The following KANK1 variants were observed in gnomAD, a reference collection of about 807,000 sequenced individuals.
The protein encoded by KANK1 is KN motif and ankyrin repeat domain-containing protein 1.
A neutral mutation model predicts 106.2 loss-of-function variants in KANK1; 109 were observed. The observed-to-expected ratio is 1.03, with a 90% CI of 0.88 to 1.20. The LOEUF is 1.20. Ranked by LOEUF, KANK1 falls within the 50% of genes most tolerant of loss-of-function variation. The pLI is 0.00. For synonymous variants in KANK1, 873 were observed against 652.2 expected, an observed-to-expected ratio of 1.34 and a Z score of -5.16; for missense variants, 2,399 against 1,710.7, an observed-to-expected ratio of 1.40 and a Z score of -7.10.
chr9:692,872 C>G (rs1563997626), intron 2 of KANK1, among the ~76,000 whole-genome samples: 1 of 152,076 alleles, frequency 6.6e-6, no homozygotes, highest in Admixed American at 6.6e-5. Flanking sequence ...CAGAAATTAG[C>G]TGAGCATGGT....
chr9:607,313 C>G (rs566130968), intron 1 of KANK1, among the ~76,000 whole-genome samples: 2 of 151,508 alleles, frequency 1.3e-5, no homozygotes, highest in East Asian at 1.9e-4. Context: ...TGGTGAGAAC[C>G]CGTCTCTACT....
At chr9:699,544 A>T (rs1223389819) in intron 2 of KANK1, among the ~76,000 whole-genome samples, 1 of 152,114 alleles carries the variant, frequency 6.6e-6, no homozygotes, top group Non-Finnish European at 1.5e-5. Flanking sequence ...CTGTGAGAGG[A>T]AATCCAAAGA....
chr9:625,568 T>C (rs1834148231), intron 1 of KANK1, among the ~76,000 whole-genome samples: 2 of 151,924 alleles, frequency 1.3e-5, no homozygotes, highest in African/African-American at 2.4e-5. Flanking sequence ...CAAACCTTCT[T>C]GTGCGAGGAG....
intron 1 of KANK1, among the ~76,000 whole-genome samples, chr9:512,896 T>A (rs557711549): frequency 1.3e-5 from 2 of 152,350 alleles, no homozygotes; most frequent in African/African-American, 4.8e-5. Flanking sequence ...TTATTATTTT[T>A]GCCTTATTAT....
intron 1 of KANK1, among the ~76,000 whole-genome samples, chr9:507,068 G>T (rs908232921): frequency 6.6e-6 from 1 of 151,124 alleles, no homozygotes; most frequent in Non-Finnish European, 1.5e-5. Context: ...AATAAGAAAA[G>T]TCAACTTGTT....
At chr9:479,048 C>T (rs1455672072) in intron 3 of KANK1, among the ~76,000 whole-genome samples, 1 of 151,986 alleles carries the variant, frequency 6.6e-6, no homozygotes, top group Non-Finnish European at 1.5e-5. Flanking sequence ...TCCTGAGTAG[C>T]TGGGATTACA....
intron 1 of KANK1, among the ~76,000 whole-genome samples, chr9:578,508 AC>A (rs775294809): frequency 6.6e-6 from 1 of 152,040 alleles, no homozygotes; most frequent in Non-Finnish European, 1.5e-5. Flanking sequence ...AGTCCTCTAT[AC>A]AAAAATCTTA....
At chr9:645,700 G>A (rs1839519841) in intron 1 of KANK1, among the ~76,000 whole-genome samples, 1 of 150,616 alleles carries the variant, frequency 6.6e-6, no homozygotes, top group African/African-American at 2.5e-5. Flanking sequence ...TGGCCAACGT[G>A]GTGAAACCCC....
chr9:602,970 G>A (rs1208620646), intron 1 of KANK1, among the ~76,000 whole-genome samples: 1 of 151,858 alleles, frequency 6.6e-6, no homozygotes, highest in African/African-American at 2.4e-5. Flanking sequence ...GGTTATCATA[G>A]TTACAAATCA....
intron 1 of KANK1, among the ~76,000 whole-genome samples, chr9:572,796 C>T (rs184448933): frequency 1.1e-3 from 170 of 152,202 alleles, no homozygotes; most frequent in African/African-American, 3.7e-3. Context: ...GTTAAAACAT[C>T]GCTGTTTCTG....
chr9:573,127 T>A (rs1206399704), intron 1 of KANK1, among the ~76,000 whole-genome samples: 2 of 152,204 alleles, frequency 1.3e-5, no homozygotes, highest in Admixed American at 6.5e-5. Context: ...AGTCAAGTGC[T>A]GCGTGAGTTG....
At chr9:660,566 T>G (rs10758793) in intron 1 of KANK1, among the ~76,000 whole-genome samples, 4 of 152,194 alleles carry the variant, frequency 2.6e-5, no homozygotes, top group African/African-American at 9.6e-5. Flanking sequence ...CAGTGTCAAG[T>G]CTGAAACAAA....
intron 1 of KANK1, among the ~76,000 whole-genome samples, chr9:605,702 G>T (rs1005484726): frequency 6.6e-6 from 1 of 151,860 alleles, no homozygotes; most frequent in Non-Finnish European, 1.5e-5. Context: ...AAGAGAATAA[G>T]CATGATCAGG....
At chr9:566,634 A>T (rs927985904) in intron 1 of KANK1, among the ~76,000 whole-genome samples, 3 of 152,024 alleles carry the variant, frequency 2.0e-5, no homozygotes, top group Non-Finnish European at 2.9e-5. Context: ...TTTTCCACAT[A>T]CTTGTTGGCC....
chr9:596,771 G>C lies in KANK1; in HGVS notation c.-83-80119G>C, dbSNP rs190807672. ...AATTCACATAATATAACAATAGGCA[G>C]TTTAATAATTGACAATTCAGATGTA... On this transcript the variant is annotated intron_variant, in intron 1 of 11. Transcript: ENST00000382297. Among the ~76,000 whole-genome samples, 55 of 151,738 alleles carry C rather than the reference G, an allele frequency of 3.6e-4. 1 individual carries two copies. Among genetic ancestry groups the C allele is most frequent in the South Asian group, 2.5e-3 (12 of 4,804 alleles).
chr9:572,745 G>A (rs201108425), intron 1 of KANK1, among the ~76,000 whole-genome samples: 2 of 152,152 alleles, frequency 1.3e-5, no homozygotes, highest in East Asian at 1.9e-4. Flanking sequence ...AATTTCTAAA[G>A]TCAGTGCATT....
intron 1 of KANK1, among the ~76,000 whole-genome samples, chr9:573,283 T>A (rs10758696): frequency 0.39 from 59,369 of 151,882 alleles, 13,626 homozygotes; most frequent in South Asian, 0.56. Flanking sequence ...TATTATTATT[T>A]TTTTGAGACA....
intron 3 of KANK1, among the ~76,000 whole-genome samples, chr9:722,778 T>G (rs952958010): frequency 6.6e-6 from 1 of 152,182 alleles, no homozygotes; most frequent in African/African-American, 2.4e-5. Context: ...CTCATGACCT[T>G]TGGTTGAATT....
At chr9:514,076 T>C (rs1338976943) in intron 1 of KANK1, among the ~76,000 whole-genome samples, 1 of 149,826 alleles carries the variant, frequency 6.7e-6, no homozygotes, top group African/African-American at 2.5e-5. Flanking sequence ...TCTGTCCTCC[T>C]CCTCTCCTTC....
Sources: gnomAD v4.1 joint callset for allele counts (sites outside exome capture counted in the v4.1 genomes callset) on GRCh38, gnomAD v4.1.1 for gene constraint, MANE v1.5 for transcripts, NCBI Gene and HGNC (gene_info 2026-07-23, HGNC 2026-07-21) for gene names.